Variants in CAPZB observed in about 807,000 individuals in gnomAD.
CAPZB encodes the protein capping actin protein of muscle Z-line subunit beta, also known as F-actin-capping protein subunit beta.
A neutral mutation model predicts 38.1 loss-of-function variants in CAPZB; 2 were observed. The ratio of observed to expected loss-of-function variants is 0.05; its 90% CI spans 0.02 to 0.17. The LOEUF is 0.17. Ranked by LOEUF, CAPZB falls within the 10% of genes least tolerant of loss-of-function variation. CAPZB has a pLI of 1.00. For missense variants in CAPZB, 161 were observed against 334.2 expected (o/e 0.48, Z 4.04); for synonymous variants, 107 against 127.4 (o/e 0.84, Z 1.08).
chr1:19,424,146 A>C (rs1376029629), intron 1 of CAPZB, among the ~76,000 whole-genome samples: 4 of 152,000 alleles, frequency 2.6e-5, no homozygotes, highest in Non-Finnish European at 5.9e-5. Flanking sequence ...CGTGTTTTAG[A>C]CTAATATAAC....
chr1:19,456,665 C>G (rs765109778), intron 1 of CAPZB, among the ~76,000 whole-genome samples: 8 of 152,174 alleles, frequency 5.3e-5, no homozygotes, highest in Non-Finnish European at 1.2e-4. Flanking sequence ...GACCATCCCA[C>G]AACGTGACAT....
intron 2 of CAPZB, among the ~76,000 whole-genome samples, chr1:19,409,028 CA>C (rs939965437): frequency 1.9e-4 from 29 of 152,172 alleles, no homozygotes; most frequent in African/African-American, 7.0e-4. Flanking sequence ...GGGCCATTGT[CA>C]AAAAAGGGTG....
intron 4 of CAPZB, among the ~76,000 whole-genome samples, chr1:19,373,922 C>T (rs1194576394): frequency 6.6e-6 from 1 of 152,026 alleles, no homozygotes; most frequent in African/African-American, 2.4e-5. Flanking sequence ...CTCGAGCTCC[C>T]GGCCTCAAGC....
intron 6 of CAPZB, among the ~76,000 whole-genome samples, chr1:19,354,508 C>T (rs1172938143): frequency 1.3e-5 from 2 of 152,172 alleles, no homozygotes; most frequent in African/African-American, 2.4e-5. Flanking sequence ...GGTGATCGGC[C>T]GTTAGAATGA....
At chr1:19,420,551 G>A (rs1204875758) in intron 1 of CAPZB, among the ~76,000 whole-genome samples, 1 of 151,188 alleles carries the variant, frequency 6.6e-6, no homozygotes, top group Non-Finnish European at 1.5e-5. Flanking sequence ...AAAGTAGCTG[G>A]GACCACAGGT....
chr1:19,480,234 T>C (rs1221497349), intron 1 of CAPZB, among the ~76,000 whole-genome samples: 1 of 152,206 alleles, frequency 6.6e-6, no homozygotes, highest in African/African-American at 2.4e-5. Flanking sequence ...TCCCTTATTC[T>C]GTGGTATGCA....
rs556448734 is a variant in CAPZB at position 19,485,500 on chromosome 1, C to T, written c.-62G>A. The stretch of plus-strand genomic sequence containing the variant: ...AGTGGCTCTCCCCCCCGCAGCAGGG[C>T]CCGGCGCTTCCACTTCCCCGGGTGC... On this transcript the variant is annotated 5_prime_UTR_variant, in exon 1 of 9. Coordinates refer to ENST00000264202, the MANE Select transcript of CAPZB (RefSeq NM_004930.5). 743 of 1,220,638 alleles carry T rather than the reference C, an allele frequency of 6.1e-4. 1 individual carries two copies. Among genetic ancestry groups the T allele is most frequent in the Non-Finnish European group, 6.9e-4 (676 of 979,024 alleles). The allele number at this position is 1,220,638 out of a possible 1,614,324, so 75.6% of individuals were successfully genotyped here.
At chr1:19,428,013 A>C (rs893873024) in intron 1 of CAPZB, among the ~76,000 whole-genome samples, 1 of 152,242 alleles carries the variant, frequency 6.6e-6, no homozygotes, top group Non-Finnish European at 1.5e-5. Context: ...GGCAACATGA[A>C]GGAAGAGGCT....
chr1:19,346,205 G>A (rs1157846562), intron 6 of CAPZB, among the ~76,000 whole-genome samples: 3 of 152,086 alleles, frequency 2.0e-5, no homozygotes, highest in Non-Finnish European at 4.4e-5. Context: ...ACAGGAATAC[G>A]CAGCTACGAT....
At chr1:19,435,775 C>G (rs566352639) in intron 1 of CAPZB, among the ~76,000 whole-genome samples, 2 of 152,092 alleles carry the variant, frequency 1.3e-5, no homozygotes, top group African/African-American at 4.8e-5. Context: ...GACCCCAGAA[C>G]CTGTGTGCCT....
At chr1:19,443,947 G>A (rs893499600) in intron 1 of CAPZB, among the ~76,000 whole-genome samples, 2 of 152,092 alleles carry the variant, frequency 1.3e-5, no homozygotes, top group Non-Finnish European at 2.9e-5. Flanking sequence ...TTCCCCAAAC[G>A]TCCCCTCTGG....
intron 6 of CAPZB, among the ~76,000 whole-genome samples, chr1:19,350,337 C>G (rs2093985012): frequency 6.6e-6 from 1 of 152,284 alleles, no homozygotes; most frequent in South Asian, 2.1e-4. Context: ...CAAATGTACA[C>G]AAAAGGCCTA....
At chr1:19,424,352 T>C (rs1182202643) in intron 1 of CAPZB, 1 of 152,142 alleles carries the variant, frequency 6.6e-6, no homozygotes, top group African/African-American at 2.4e-5. Context: ...ATCTAAACTT[T>C]TTTTAAAGGT....
chr1:19,385,908 GCC>G (rs1354558173), intron 2 of CAPZB: 2 of 504,386 alleles, frequency 4.0e-6, no homozygotes, highest in African/African-American at 3.9e-5. Flanking sequence ...CACCAGGGTG[GCC>G]TAGTAAATTT....
chr1:19,346,904 A>ACCT, intron 6 of CAPZB, among the ~76,000 whole-genome samples: 1 of 147,236 alleles, frequency 6.8e-6, no homozygotes, highest in African/African-American at 2.5e-5. Flanking sequence ...GCTCACTGCA[A>ACCT]CCTCTGCCTC....
At chr1:19,449,348 T>C in intron 1 of CAPZB, 1 of 1,017,536 alleles carries the variant, frequency 9.8e-7, no homozygotes, top group Non-Finnish European at 1.2e-6. Context: ...ACGGGGAAGA[T>C]TTTGCCAGTG....
At chr1:19,343,757 G>T (rs918738616) in intron 8 of CAPZB, among the ~76,000 whole-genome samples, 4 of 152,238 alleles carry the variant, frequency 2.6e-5, no homozygotes, top group African/African-American at 9.6e-5. Context: ...TGTTTGGGCT[G>T]ACACTGCAGA....
At chr1:19,379,923 C>T (rs1050843215) in intron 3 of CAPZB, among the ~76,000 whole-genome samples, 4 of 152,158 alleles carry the variant, frequency 2.6e-5, no homozygotes, top group African/African-American at 9.7e-5. Flanking sequence ...CTAAACGCCT[C>T]GCTGTTTCCA....
At chr1:19,388,877 A>G (rs1452451655) in intron 2 of CAPZB, among the ~76,000 whole-genome samples, 3 of 152,220 alleles carry the variant, frequency 2.0e-5, no homozygotes, top group Non-Finnish European at 4.4e-5. Context: ...AACCAACCCC[A>G]GAAAAACATA....
Sources: gnomAD v4.1 joint callset for allele counts (sites outside exome capture counted in the v4.1 genomes callset) on GRCh38, gnomAD v4.1.1 for gene constraint, MANE v1.5 for transcripts, NCBI Gene and HGNC (gene_info 2026-07-23, HGNC 2026-07-21) for gene names.